The following RPTOR variants were observed in gnomAD, a reference collection of about 807,000 sequenced individuals.
RPTOR encodes regulatory associated protein of MTOR complex 1.
RPTOR carries 21 observed loss-of-function variants against 169.9 expected under a neutral mutation model. The observed-to-expected ratio is 0.12, with a 90% CI of 0.09 to 0.18. The LOEUF (loss-of-function observed/expected upper bound fraction) is 0.18, where lower values mean the gene tolerates loss of function less well. Among genes scored for constraint, RPTOR ranks in the 10% least tolerant of loss-of-function variants. The pLI is 1.00. For synonymous variants in RPTOR, 732 were observed against 753.2 expected (o/e 0.97, Z 0.46); for missense variants, 1,133 against 1,855.9 (o/e 0.61, Z 7.16).
chr17:80,883,711 G>A lies in RPTOR; in HGVS notation c.1651-70G>A, dbSNP rs972395971. On this transcript the variant is annotated intron_variant, in intron 15 of 33. Coordinates refer to ENST00000306801, the MANE Select transcript of RPTOR (RefSeq NM_020761.3). ...AAGAATGGGTGGCCACCGTTGTCCC[G>A]TGCAGGTACCCACCACGTGCCTGCC... The A allele has an allele frequency of 1.8e-5, 28 of 1,532,450 alleles. No individual in the cohort carries two copies. The African/African-American group carries it at 2.0e-4, about 11-fold the overall frequency. 94.9% of individuals were successfully genotyped at this position (1,532,450 alleles called of 1,614,324 possible).
chr17:80,753,763 G>A (rs890934336), intron 5 of RPTOR, among the ~76,000 whole-genome samples: 1 of 152,008 alleles, frequency 6.6e-6, no homozygotes, highest in Non-Finnish European at 1.5e-5. Flanking sequence ...AGAAAACAGA[G>A]TTGACAGAGA....
At chr17:80,719,597 G>A (rs543004637) in intron 4 of RPTOR, among the ~76,000 whole-genome samples, 4 of 152,278 alleles carry the variant, frequency 2.6e-5, no homozygotes, top group African/African-American at 9.6e-5. Context: ...GACTAAAGAT[G>A]GACTTGTGCC....
chr17:80,958,708 C>T (rs556114501), intron 29 of RPTOR, among the ~76,000 whole-genome samples: 2 of 152,308 alleles, frequency 1.3e-5, no homozygotes, highest in African/African-American at 2.4e-5. Flanking sequence ...CCACTGCGCC[C>T]GGCCAGAAGC....
In RPTOR at chr17:80,893,749, G is replaced by GCAGCAGCGC; in HGVS notation, c.2293_2301dup (p.Ala765_Ser767dup). ...TTCTCCCCCGGAAACCTCAGCACCA[G>GCAGCAGCGC]CAGCAGCGCCAGCAGCACCCTGGGC... On this transcript the variant is annotated inframe_insertion, in exon 20 of 34. Transcript: ENST00000306801. 1 of 1,608,466 alleles carries GCAGCAGCGC rather than the reference G, an allele frequency of 6.2e-7. No homozygotes were observed. The highest frequency in any genetic ancestry group is 1.3e-5 in the African/African-American group (1 of 74,600).
intron 1 of RPTOR, among the ~76,000 whole-genome samples, chr17:80,613,192 C>T (rs925307827): frequency 2.6e-5 from 4 of 152,106 alleles, no homozygotes; most frequent in African/African-American, 7.2e-5. Flanking sequence ...CCTCCGTGGC[C>T]CGTCACTTCT....
intron 14 of RPTOR, among the ~76,000 whole-genome samples, chr17:80,881,452 G>T (rs1216057537): frequency 1.3e-5 from 2 of 152,260 alleles, no homozygotes; most frequent in Non-Finnish European, 2.9e-5. Flanking sequence ...GCGAGGGTGA[G>T]CTAAGCTCAC....
intron 1 of RPTOR, among the ~76,000 whole-genome samples, chr17:80,567,566 C>T (rs1026370325): frequency 4.6e-5 from 7 of 151,480 alleles, no homozygotes; most frequent in African/African-American, 1.7e-4. Context: ...CCGAGGCAGG[C>T]AGATCACGAG....
rs2065635953 is a variant in RPTOR at position 80,651,136 on chromosome 17, C to T, written c.348+7326C>T. 6.6e-6 allele frequency among the ~76,000 whole-genome samples: 1 copy of T among 152,134 alleles called. No homozygotes were observed. Among genetic ancestry groups the T allele is most frequent in the Non-Finnish European group, 1.5e-5 (1 of 68,026 alleles). ...CTGAGTTAACTTGGGGACCGTGATACAGAGCGATGCGGAGATGGCTCTGAA... is the reference window on the plus strand; with the variant it reads ...CTGAGTTAACTTGGGGACCGTGATATAGAGCGATGCGGAGATGGCTCTGAA... On this transcript the variant is annotated intron_variant, in intron 3 of 33. Coordinates refer to ENST00000306801, the MANE Select transcript of RPTOR (RefSeq NM_020761.3). The surrounding 1 kb of genome is among the most constrained non-coding windows in gnomAD (Gnocchi z 4.1).
At chr17:80,945,382 G>A (rs1373199495) in intron 25 of RPTOR, among the ~76,000 whole-genome samples, 1 of 152,092 alleles carries the variant, frequency 6.6e-6, no homozygotes, top group Non-Finnish European at 1.5e-5. Flanking sequence ...CACAAGGTCA[G>A]GAGATCAAGA....
At chr17:80,600,085 C>A (rs965826763) in intron 1 of RPTOR, among the ~76,000 whole-genome samples, 1 of 152,134 alleles carries the variant, frequency 6.6e-6, no homozygotes, top group African/African-American at 2.4e-5. Flanking sequence ...AGATTGAGAT[C>A]CAAGTGCAGT....
chr17:80,717,109 G>T (rs1465212192), intron 4 of RPTOR, among the ~76,000 whole-genome samples: 1 of 152,178 alleles, frequency 6.6e-6, no homozygotes, highest in Non-Finnish European at 1.5e-5. Context: ...TGTGAAGAAT[G>T]ATGGTGGTAT....
Position 80,947,318 on chromosome 17 carries a change from G to A in RPTOR, c.3232G>A (p.Gly1078Ser), listed in dbSNP as rs371494149. Reference sequence around the variant, plus strand: ...GGTCACTGCCATGGAGTATCTGAACGGCCAGGACTGCTCGCTTCTGCTGAC... The same window carrying A: ...GGTCACTGCCATGGAGTATCTGAACAGCCAGGACTGCTCGCTTCTGCTGAC... Reference protein sequence around the residue: ...TRVTAMEYLNGQDCSLLLTAT... With the variant: ...TRVTAMEYLNSQDCSLLLTAT... Residue 1078 changes from glycine (G) to serine (S), a missense_variant, in exon 27 of 34, where the codon GGC becomes AGC. Gly to Ser is a moderately conservative substitution (Grantham distance 56). Around this residue, in one of 9 missense-constraint regions of RPTOR, gnomAD observed 410 missense variants for 623.7 expected, o/e 0.66. Coordinates refer to ENST00000306801, the MANE Select transcript of RPTOR (RefSeq NM_020761.3). This position sits in a 1 kb window ranked among gnomAD's most constrained non-coding sequence, Gnocchi z 4.4. 7.5e-6 allele frequency: 12 copies of A among 1,589,406 alleles called. No homozygotes were observed. The highest frequency in any genetic ancestry group is 2.3e-5 in the East Asian group (1 of 43,224).
intron 6 of RPTOR, among the ~76,000 whole-genome samples, chr17:80,767,527 G>T (rs2066799952): frequency 6.6e-6 from 1 of 152,168 alleles, no homozygotes; most frequent in South Asian, 2.1e-4. Context: ...AAGAAAATTT[G>T]GATAGGATAT....
chr17:80,813,889 T>C (rs2067297747), intron 7 of RPTOR, among the ~76,000 whole-genome samples: 2 of 152,108 alleles, frequency 1.3e-5, no homozygotes, highest in Non-Finnish European at 2.9e-5. Context: ...ATCCCAGCAG[T>C]TTGGGAGGCC....
chr17:80,911,466 A>G (rs1057334890), intron 21 of RPTOR, among the ~76,000 whole-genome samples: 47 of 152,218 alleles, frequency 3.1e-4, no homozygotes, highest in African/African-American at 1.1e-3. Context: ...TTGCTTTTAA[A>G]CTAGGAATAA....
intron 2 of RPTOR, 39 bp downstream of exon 2, chr17:80,625,832 C>G (rs2065389552): frequency 1.4e-6 from 2 of 1,408,028 alleles, no homozygotes; most frequent in Admixed American, 3.3e-5. Context: ...CAAAGGCCGT[C>G]TGGCCGGCTC....
intron 3 of RPTOR, among the ~76,000 whole-genome samples, chr17:80,687,483 T>C (rs2143730250): frequency 6.6e-6 from 1 of 151,998 alleles, no homozygotes; most frequent in Admixed American, 6.6e-5. Flanking sequence ...CCAGGTCTTG[T>C]TTTCTGTGTC....
At chr17:80,962,426 C>T (rs371355093) in intron 31 of RPTOR, 35 bp from the exon 32 acceptor site, 48 of 1,580,938 alleles carry the variant, frequency 3.0e-5, no homozygotes, top group Middle Eastern at 3.3e-4. Flanking sequence ...ATGGGGCCTC[C>T]GGGAGGAGGT....
At chr17:80,699,167 C>T (rs566313453) in intron 3 of RPTOR, among the ~76,000 whole-genome samples, 1 of 152,364 alleles carries the variant, frequency 6.6e-6, no homozygotes, top group East Asian at 1.9e-4. Flanking sequence ...GATAAAACAG[C>T]TTTCTCTGGA....
Sources: allele counts gnomAD v4.1 joint callset (sites outside exome capture counted in the v4.1 genomes callset), GRCh38; gene constraint gnomAD v4.1.1; regional missense constraint gnomAD v4.1.1; non-coding constraint Gnocchi (gnomAD v3.1); transcripts MANE v1.5; gene names NCBI Gene and HGNC (gene_info 2026-07-23, HGNC 2026-07-21).